Variants in CFAP20DC observed in about 807,000 individuals in gnomAD.
The protein encoded by CFAP20DC is protein CFAP20DC.
In CFAP20DC, 84 loss-of-function variants were observed where a neutral mutation model predicts 101.7. That is an observed-to-expected ratio of 0.83 (90% CI 0.69 to 0.99). CFAP20DC has a LOEUF of 0.99. Among genes scored for constraint, CFAP20DC ranks in the 50% least tolerant of loss-of-function variants. CFAP20DC has a pLI of 0.00. For synonymous variants in CFAP20DC, 359 were observed against 351.2 expected (o/e 1.02, Z -0.25); for missense variants, 1,007 against 970.3 (o/e 1.04, Z -0.50).
chr3:58,927,400 C>G (rs533029957), intron 5 of CFAP20DC, among the ~76,000 whole-genome samples: 1 of 152,242 alleles, frequency 6.6e-6, no homozygotes, highest in South Asian at 2.1e-4. Flanking sequence ...AGGCAGAAAA[C>G]TGAAATGAGT....
At chr3:58,983,019 G>T (rs2092625756) in intron 4 of CFAP20DC, among the ~76,000 whole-genome samples, 1 of 152,126 alleles carries the variant, frequency 6.6e-6, no homozygotes, top group Non-Finnish European at 1.5e-5. Context: ...ATATGCAGAT[G>T]AAGAGGGTCT....
At position 58,866,572 on chromosome 3, in the gene CFAP20DC, G is replaced by C. The variant is rs139315615; in HGVS notation, c.1252C>G (p.Gln418Glu). The C allele has an allele frequency of 2.2e-3, 3,595 of 1,608,866 alleles. 21 individuals carry two copies. The highest frequency in any genetic ancestry group is 0.01 in the Middle Eastern group (61 of 6,018). ...GTGTAATAAAGATGCCAACCTGATT[G>C]ATCAGGAGACTGGGGTCCTAGAGTG... The part of the protein sequence containing the change: ...SGTLGPQSPD[Q>E]SDEWIFPENA... Residue 418 changes from glutamine (Q) to glutamate (E), a missense_variant, in exon 11 of 17, where the codon CAA (glutamine) becomes GAA (glutamate). Coordinates refer to ENST00000482387, the MANE Select transcript of CFAP20DC (RefSeq NM_001394063.1).
At chr3:58,725,177 T>C (rs1026372107) in intron 3 of CFAP20DC, among the ~76,000 whole-genome samples, 8 of 152,214 alleles carry the variant, frequency 5.3e-5, no homozygotes, top group African/African-American at 1.9e-4. Context: ...CCATGTCCTT[T>C]ATGTGCAAGG....
intron 4 of CFAP20DC, among the ~76,000 whole-genome samples, chr3:59,025,009 T>C (rs892212192): frequency 6.6e-6 from 1 of 152,162 alleles, no homozygotes; most frequent in Non-Finnish European, 1.5e-5. Context: ...ACAGGGGCAG[T>C]GGAAAATGAG....
intron 15 of CFAP20DC, among the ~76,000 whole-genome samples, chr3:58,756,423 A>G (rs1316884079): frequency 6.6e-6 from 1 of 152,028 alleles, no homozygotes; most frequent in African/African-American, 2.4e-5. Flanking sequence ...TTCAAAACTG[A>G]CTTCGGTTCT....
chr3:58,913,753 T>C lies in CFAP20DC; in HGVS notation c.505A>G (p.Ile169Val). The C allele has an allele frequency of 6.2e-7, 1 of 1,613,764 alleles. No homozygotes were observed. The highest frequency in any genetic ancestry group is 8.5e-7 in the Non-Finnish European group (1 of 1,179,814). The change falls in exon 6 of 17, where the codon ATC becomes GTC. Residue 169 changes from isoleucine (I) to valine (V), a missense_variant. Physicochemically the swap from Ile to Val is conservative, Grantham distance 29. Transcript: ENST00000482387. This position sits in a 1 kb window ranked among gnomAD's most constrained non-coding sequence, Gnocchi z 4.4. ...TGTGGCTTTGATTTTAAGGTGAAGA[T>C]CTTCCGTAGCTTACAGTTAGCTGAG... ...VVSANCKLRK[I>V]FTLKSKPQDT...
rs78830565 is a variant in CFAP20DC at position 58,916,353 on chromosome 3, C to T, written c.394-2489G>A. Among the ~76,000 whole-genome samples the T allele has an allele frequency of 1.1e-3, 174 of 152,202 alleles. 1 individual carries two copies. Among genetic ancestry groups the T allele is most frequent in the African/African-American group, 4.1e-3 (171 of 41,534 alleles). On this transcript the variant is annotated intron_variant, in intron 5 of 16. Coordinates refer to ENST00000482387, the MANE Select transcript of CFAP20DC (RefSeq NM_001394063.1). Reference sequence around the variant, plus strand: ...TACACCACCAGCTCTGCTTGGGAGTCAGTTCCAACCTCCTTCAAAAACTCT... The same window carrying T: ...TACACCACCAGCTCTGCTTGGGAGTTAGTTCCAACCTCCTTCAAAAACTCT...
chr3:58,841,573 G>A (rs2077111404), intron 13 of CFAP20DC, among the ~76,000 whole-genome samples: 2 of 152,092 alleles, frequency 1.3e-5, no homozygotes, highest in African/African-American at 4.8e-5. Context: ...TTATCCAAAG[G>A]AAATGGCTTG....
At chr3:58,750,471 G>T (rs907295401) in intron 16 of CFAP20DC, among the ~76,000 whole-genome samples, 1 of 152,144 alleles carries the variant, frequency 6.6e-6, no homozygotes, top group African/African-American at 2.4e-5. Context: ...CGGAACACAG[G>T]AAGATTAAAT....
chr3:58,967,900 C>G (rs1043601477), intron 4 of CFAP20DC, among the ~76,000 whole-genome samples: 22 of 152,150 alleles, frequency 1.4e-4, no homozygotes, highest in African/African-American at 5.3e-4. Context: ...TCTGTTGTTT[C>G]CTTCTTTGTG....
chr3:58,892,120 T>G lies in CFAP20DC; in HGVS notation c.551-7411A>C, dbSNP rs532771289. 2.0e-3 allele frequency among the ~76,000 whole-genome samples: 307 copies of G among 152,346 alleles called. 2 individuals are homozygous for G. The highest frequency in any genetic ancestry group is 7.2e-3 in the African/African-American group (300 of 41,576). ...TTCCCCATTCATTGATTTTGTCAGT[T>G]TTGTTGAAGATCAGATGGCTGTAGA... On this transcript the variant is annotated intron_variant, in intron 6 of 16. Coordinates refer to ENST00000482387, the MANE Select transcript of CFAP20DC (RefSeq NM_001394063.1). The surrounding 1 kb of genome is among the most constrained non-coding windows in gnomAD (Gnocchi z 4.0).
intron 7 of CFAP20DC, among the ~76,000 whole-genome samples, chr3:58,880,159 T>A (rs1024597033): frequency 6.6e-6 from 1 of 152,178 alleles, no homozygotes; most frequent in African/African-American, 2.4e-5. Context: ...GAGAAGGATA[T>A]GATACTAGAA....
Position 58,954,629 on chromosome 3 carries a change from T to C in CFAP20DC, c.279-16867A>G, listed in dbSNP as rs116292797. ...ATGGTTCTGTGGCCTCCCTTACACA[T>C]TCATTCTAATGTTGCATGATTAGTA... On this transcript the variant is annotated intron_variant, in intron 4 of 16. Coordinates refer to ENST00000482387, the MANE Select transcript of CFAP20DC (RefSeq NM_001394063.1). Among the ~76,000 whole-genome samples the C allele has an allele frequency of 4.7e-3, 720 of 152,324 alleles. 3 individuals carry two copies. The highest frequency in any genetic ancestry group is 5.8e-3 in the Non-Finnish European group (397 of 68,020).
In CFAP20DC at chr3:58,867,825, G is replaced by T. The variant is rs774784196; in HGVS notation, c.1127C>A (p.Thr376Lys). 4.3e-6 allele frequency: 7 copies of T among 1,613,490 alleles called. No individual in the cohort carries two copies. Among genetic ancestry groups the T allele is most frequent in the African/African-American group, 2.7e-5 (2 of 74,920 alleles). Residue 376 changes from threonine (T) to lysine (K), a missense_variant, in exon 10 of 17, where the codon ACA becomes AAA. Physicochemically the swap from Thr to Lys is moderately conservative, Grantham distance 78 (BLOSUM62 -1). Coordinates refer to ENST00000482387, the MANE Select transcript of CFAP20DC (RefSeq NM_001394063.1). Reference sequence around the variant, plus strand: ...TTGAAATAGTGCCATACCGCTGGGTGTCTCTGTCCTTTCTCTGCTGGTACT... The same window carrying T: ...TTGAAATAGTGCCATACCGCTGGGTTTCTCTGTCCTTTCTCTGCTGGTACT... ...LKSTSRERTE[T>K]PSGSSSGNNR...
downstream of CFAP20DC, among the ~76,000 whole-genome samples, chr3:58,740,922 A>G (rs2067866992): frequency 6.6e-6 from 1 of 152,154 alleles, no homozygotes; most frequent in Non-Finnish European, 1.5e-5. This position sits in a 1 kb window ranked among gnomAD's most constrained non-coding sequence, Gnocchi z 4.6. Flanking sequence ...ATTCATTTTC[A>G]TTTTGTTAAG....
intron 4 of CFAP20DC, among the ~76,000 whole-genome samples, chr3:58,990,573 T>C: frequency 6.6e-6 from 1 of 152,104 alleles, no homozygotes; most frequent in Admixed American, 6.6e-5. Context: ...TCCTGACCAT[T>C]TTTCCTAAAG....
At chr3:58,810,194 C>A (rs976331988) in intron 14 of CFAP20DC, among the ~76,000 whole-genome samples, 6 of 152,238 alleles carry the variant, frequency 3.9e-5, no homozygotes, top group African/African-American at 1.2e-4. Context: ...TCCTCCCTAA[C>A]TCATTTTATG....
chr3:58,928,680 T>C (rs868287701), intron 5 of CFAP20DC, among the ~76,000 whole-genome samples: 2 of 152,208 alleles, frequency 1.3e-5, no homozygotes, highest in African/African-American at 4.8e-5. Flanking sequence ...CATTGGCATA[T>C]GGGCCTGAGG....
rs150346740 is a variant in CFAP20DC at position 58,931,103 on chromosome 3, C to T, written c.393+6545G>A. On this transcript the variant is annotated intron_variant, in intron 5 of 16. Coordinates refer to ENST00000482387, the MANE Select transcript of CFAP20DC (RefSeq NM_001394063.1). ...TTTTCCGATGGGGCTTAAAAAACGG[C>T]GCACCAGGAGATTATATCACACACC... Among the ~76,000 whole-genome samples, 49 of 152,158 alleles carry T rather than the reference C, an allele frequency of 3.2e-4. 1 individual carries two copies. Among genetic ancestry groups the T allele is most frequent in the Admixed American group, 1.8e-3 (27 of 15,286 alleles).
Sources: allele counts gnomAD v4.1 joint callset (sites outside exome capture counted in the v4.1 genomes callset), GRCh38; gene constraint gnomAD v4.1.1; non-coding constraint Gnocchi (gnomAD v3.1); transcripts MANE v1.5; gene names NCBI Gene and HGNC (gene_info 2026-07-23, HGNC 2026-07-21).